Variants in CPNE8 observed in about 807,000 individuals in gnomAD.
The protein encoded by CPNE8 is copine-8.
Under a neutral mutation model 81.5 loss-of-function variants are expected in CPNE8, and 45 were observed. That is an observed-to-expected ratio of 0.55 (90% CI 0.44 to 0.71). CPNE8 has a LOEUF of 0.71. Ranked by LOEUF, CPNE8 falls within the 30% of genes least tolerant of loss-of-function variation. CPNE8 has a pLI of 0.00. For synonymous variants in CPNE8, 252 were observed against 226.3 expected, an observed-to-expected ratio of 1.11 and a Z score of -1.02; for missense variants, 594 against 672.1, an observed-to-expected ratio of 0.88 and a Z score of 1.28.
chr12:38,711,768 C>T (rs1940265044), intron 13 of CPNE8, among the ~76,000 whole-genome samples: 1 of 152,098 alleles, frequency 6.6e-6, no homozygotes, highest in Non-Finnish European at 1.5e-5. Flanking sequence ...TACGCCCGGC[C>T]CAAGTATACA....
At chr12:38,897,834 T>C (rs1180989051) in intron 1 of CPNE8, among the ~76,000 whole-genome samples, 1 of 152,144 alleles carries the variant, frequency 6.6e-6, no homozygotes, top group Non-Finnish European at 1.5e-5. Flanking sequence ...TCACAAGCAG[T>C]GTTTTATCTC....
intron 7 of CPNE8, 46 bp downstream of exon 7, chr12:38,776,191 AT>A: frequency 2.1e-6 from 2 of 962,280 alleles, no homozygotes; most frequent in Non-Finnish European, 3.1e-6. Flanking sequence ...TAGATATAGC[AT>A]TTGAAGTATG....
chr12:38,843,910 T>C (rs1240123531), intron 4 of CPNE8, among the ~76,000 whole-genome samples: 1 of 152,100 alleles, frequency 6.6e-6, no homozygotes, highest in African/African-American at 2.4e-5. Flanking sequence ...AGTTTGAGAT[T>C]AAGGTTTTAA....
intron 7 of CPNE8, among the ~76,000 whole-genome samples, chr12:38,774,124 G>A (rs1011298861): frequency 4.6e-5 from 7 of 151,940 alleles, no homozygotes; most frequent in Non-Finnish European, 7.4e-5. Context: ...GAATTTTCCC[G>A]GCTCTTCCAA....
At chr12:38,807,980 C>A (rs1942852406) in intron 6 of CPNE8, among the ~76,000 whole-genome samples, 1 of 152,004 alleles carries the variant, frequency 6.6e-6, no homozygotes, top group Admixed American at 6.6e-5. Context: ...GACATTTATG[C>A]AGCCAAAAAA....
intron 19 of CPNE8, among the ~76,000 whole-genome samples, chr12:38,669,041 G>C (rs915232594): frequency 1.6e-5 from 2 of 124,844 alleles, no homozygotes; most frequent in Non-Finnish European, 3.6e-5. Flanking sequence ...GCAACAGCGA[G>C]ACTCTGCCTC....
At chr12:38,863,047 G>T (rs1002154064) in intron 3 of CPNE8, among the ~76,000 whole-genome samples, 1 of 152,062 alleles carries the variant, frequency 6.6e-6, no homozygotes, top group Non-Finnish European at 1.5e-5. Context: ...ACCATCAAAG[G>T]CAGAAATTGA....
upstream of CPNE8, chr12:38,906,669 G>T: frequency 1.1e-6 from 1 of 927,142 alleles, no homozygotes; most frequent in Non-Finnish European, 1.3e-6. Flanking sequence ...GTGCCAAGAC[G>T]GAGTCGTGGC....
intron 10 of CPNE8, among the ~76,000 whole-genome samples, chr12:38,732,558 T>C (rs1940854472): frequency 6.6e-6 from 1 of 151,934 alleles, no homozygotes; most frequent in Non-Finnish European, 1.5e-5. Context: ...GCTGCCCACT[T>C]ATATTTTCTG....
chr12:38,805,879 G>A (rs1035610611), intron 6 of CPNE8, among the ~76,000 whole-genome samples: 1 of 149,358 alleles, frequency 6.7e-6, no homozygotes, highest in Non-Finnish European at 1.5e-5. Flanking sequence ...AAGAAGAAGA[G>A]AGAAGAATCA....
intron 1 of CPNE8, among the ~76,000 whole-genome samples, chr12:38,877,336 A>T (rs1042471830): frequency 6.6e-6 from 1 of 152,116 alleles, no homozygotes; most frequent in Non-Finnish European, 1.5e-5. Flanking sequence ...TTTGTTTTTT[A>T]TATATTGCAC....
In CPNE8 at chr12:38,653,623, A is replaced by AAAAAAAAAAG. The variant is rs1345566666; in HGVS notation, c.*258_*259insCTTTTTTTTT. On this transcript the variant is annotated 3_prime_UTR_variant, in exon 20 of 20. Coordinates refer to ENST00000331366, the MANE Select transcript of CPNE8 (RefSeq NM_153634.3). The stretch of plus-strand genomic sequence containing the variant: ...GGAAATTAGCTGTTTCTGTTAAAAA[A>AAAAAAAAAAG]AAAAAGAAAGAAAGATTTAGAGAAG... The AAAAAAAAAAG allele has an allele frequency of 3.5e-6, 1 of 285,986 alleles. No homozygotes were observed. The highest frequency in any genetic ancestry group is 2.1e-5 in the African/African-American group (1 of 47,178). The allele number at this position is 285,986 out of a possible 1,614,324, so 17.7% of individuals were successfully genotyped here. A position where few individuals can be genotyped will look rare whatever the true frequency, so the allele number is the denominator to read the frequency against.
intron 10 of CPNE8, among the ~76,000 whole-genome samples, chr12:38,744,568 T>C (rs1387686270): frequency 6.6e-6 from 1 of 152,188 alleles, no homozygotes; most frequent in Non-Finnish European, 1.5e-5. Context: ...TATAAACCCA[T>C]AGATGTCATC....
chr12:38,882,954 C>A (rs1944183167), intron 1 of CPNE8, among the ~76,000 whole-genome samples: 1 of 152,194 alleles, frequency 6.6e-6, no homozygotes, highest in Non-Finnish European at 1.5e-5. Context: ...CTCTTTCAGC[C>A]TCTCTCCATG....
chr12:38,861,802 T>C lies in CPNE8; in HGVS notation c.186+11202A>G, dbSNP rs147597070. Among the ~76,000 whole-genome samples, 557 of 152,268 alleles carry C rather than the reference T, an allele frequency of 3.7e-3. 2 individuals carry two copies. Among genetic ancestry groups the C allele is most frequent in the African/African-American group, 0.013 (534 of 41,580 alleles). On this transcript the variant is annotated intron_variant, in intron 3 of 19. Coordinates refer to ENST00000331366, the MANE Select transcript of CPNE8 (RefSeq NM_153634.3). Reference sequence around the variant, plus strand: ...TGTTCCTATGAACTTTTCTAAGGAATCTACTAAAGATTGATTTTTATAAAA... The same window carrying C: ...TGTTCCTATGAACTTTTCTAAGGAACCTACTAAAGATTGATTTTTATAAAA...
At chr12:38,870,713 G>A (rs1459670386) in intron 3 of CPNE8, among the ~76,000 whole-genome samples, 1 of 151,714 alleles carries the variant, frequency 6.6e-6, no homozygotes, top group Non-Finnish European at 1.5e-5. Flanking sequence ...GACAGGTGCA[G>A]CAAACCACTA....
At chr12:38,769,320 G>A (rs960864216) in intron 7 of CPNE8, among the ~76,000 whole-genome samples, 82 of 152,232 alleles carry the variant, frequency 5.4e-4, no homozygotes, top group African/African-American at 1.9e-3. Flanking sequence ...TGACAATAGA[G>A]GTAAGGACAA....
chr12:38,889,875 G>A (rs1488171914), intron 1 of CPNE8, among the ~76,000 whole-genome samples: 1 of 152,160 alleles, frequency 6.6e-6, no homozygotes, highest in Non-Finnish European at 1.5e-5. Flanking sequence ...GGGGTATTGG[G>A]GGCATAGAGA....
intron 1 of CPNE8, among the ~76,000 whole-genome samples, chr12:38,881,995 T>C (rs1164499647): frequency 1.3e-5 from 2 of 152,206 alleles, no homozygotes; most frequent in Non-Finnish European, 2.9e-5. Flanking sequence ...TTTTCCCCAA[T>C]CTTATGGCTC....
Sources: gnomAD v4.1 joint callset for allele counts (sites outside exome capture counted in the v4.1 genomes callset) on GRCh38, gnomAD v4.1.1 for gene constraint, MANE v1.5 for transcripts, NCBI Gene and HGNC (gene_info 2026-07-23, HGNC 2026-07-21) for gene names.